Variants in CPAMD8 observed in about 807,000 individuals in gnomAD.
CPAMD8 encodes the protein C3 and PZP like alpha-2-macroglobulin domain containing 8.
Under a neutral mutation model 224.7 loss-of-function variants are expected in CPAMD8, and 146 were observed. The observed-to-expected ratio is 0.65, with a 90% CI of 0.57 to 0.75. The LOEUF (loss-of-function observed/expected upper bound fraction) is 0.75, where lower values mean the gene tolerates loss of function less well. Among genes scored for constraint, CPAMD8 ranks in the 30% least tolerant of loss-of-function variants. CPAMD8 has a pLI of 0.00. For synonymous variants in CPAMD8, 966 were observed against 1,044.6 expected, an observed-to-expected ratio of 0.92 and a Z score of 1.45; for missense variants, 2,301 against 2,537.5, an observed-to-expected ratio of 0.91 and a Z score of 2.00.
chr19:17,006,780 C>A (rs1289907579), intron 7 of CPAMD8, among the ~76,000 whole-genome samples: 2 of 152,166 alleles, frequency 1.3e-5, no homozygotes, highest in African/African-American at 4.8e-5. Context: ...TTCAGGCAGC[C>A]TTCCAGGATT....
chr19:16,935,272 A>G (rs771475451), intron 23 of CPAMD8, among the ~76,000 whole-genome samples: 18 of 152,100 alleles, frequency 1.2e-4, no homozygotes, highest in South Asian at 2.1e-4. Context: ...CTCCAATTCT[A>G]TTTGTACTTT....
At chr19:16,982,198 C>T (rs149641428) in intron 13 of CPAMD8, among the ~76,000 whole-genome samples, 2 of 152,040 alleles carry the variant, frequency 1.3e-5, no homozygotes, top group African/African-American at 4.8e-5. Flanking sequence ...GTTCAAGACC[C>T]GCCACAGCAA....
Position 17,011,663 on chromosome 19 carries a change from A to T in CPAMD8, c.362T>A (p.Val121Glu), listed in dbSNP as rs1361589839. 1 of 1,613,950 alleles carries T rather than the reference A, an allele frequency of 6.2e-7. No individual in the cohort carries two copies. Among genetic ancestry groups the T allele is most frequent in the Non-Finnish European group, 8.5e-7 (1 of 1,180,012 alleles). ...AGAAGCGCCCCGGCCGTCCACGGTC[A>T]CCGAGGTCTGGTTGTGAAAGAGGGG... is the stretch of plus-strand genomic sequence containing the variant. ...EGPLFHNQTS[V>E]TVDGRGASVF... The change falls in exon 4 of 42, where the codon GTG (valine) becomes GAG (glutamate). Residue 121 changes from valine to glutamate, a missense_variant. This residue lies in a region of CPAMD8 where 283 missense variants were observed against 340.6 expected (regional missense o/e 0.83). Coordinates refer to ENST00000443236, the MANE Select transcript of CPAMD8 (RefSeq NM_015692.5).
intron 41 of CPAMD8, chr19:16,895,805 T>G: frequency 2.3e-6 from 1 of 442,128 alleles, no homozygotes; most frequent in Non-Finnish European, 4.6e-6. Flanking sequence ...AATGCAAGCA[T>G]TCTGAAATGT....
chr19:16,997,723 G>A (rs2056179266), intron 10 of CPAMD8, among the ~76,000 whole-genome samples: 2 of 152,182 alleles, frequency 1.3e-5, no homozygotes, highest in South Asian at 4.1e-4. Flanking sequence ...GTGGTGACAG[G>A]CACCTGTAAT....
intron 23 of CPAMD8, among the ~76,000 whole-genome samples, chr19:16,931,338 G>A (rs965558726): frequency 3.9e-5 from 6 of 152,256 alleles, no homozygotes; most frequent in Middle Eastern, 3.4e-3. Flanking sequence ...GCACCTGAGC[G>A]CTCCTCCTAG....
Position 16,980,547 on chromosome 19 carries a change from G to A in CPAMD8, c.1535C>T (p.Ala512Val), listed in dbSNP as rs376522096. The A allele has an allele frequency of 8.7e-6, 14 of 1,613,860 alleles. No individual in the cohort carries two copies. Among genetic ancestry groups the A allele is most frequent in the African/African-American group, 5.3e-5 (4 of 74,914 alleles). ...AATCGGTTTCTCCAGGGCAGGGGCC[G>A]CCCGCTTGCTTCGCTGCTGGGTGGT... ...AHTTQQRSKR[A>V]APALEKPIRL... is the part of the protein sequence containing the mutation. The change falls in exon 14 of 42, where the codon GCG (alanine) becomes GTG (valine). Residue 512 changes from alanine (A) to valine (V), a missense_variant. This residue lies in a region of CPAMD8 where 301 missense variants were observed against 406.6 expected (regional missense o/e 0.74). Coordinates refer to ENST00000443236, the MANE Select transcript of CPAMD8 (RefSeq NM_015692.5).
chr19:16,965,117 G>A (rs934298407), intron 18 of CPAMD8, among the ~76,000 whole-genome samples: 26 of 152,032 alleles, frequency 1.7e-4, no homozygotes, highest in Middle Eastern at 6.8e-3. Flanking sequence ...AAAATTAGCC[G>A]GGCATAGTGG....
intron 41 of CPAMD8, 155 bp from the exon 42 acceptor site, chr19:16,893,494 G>A (rs934498507): frequency 4.1e-5 from 24 of 585,526 alleles, no homozygotes; most frequent in South Asian, 3.5e-4. Context: ...CACAGGCAGC[G>A]AGGGGCCTCC....
intron 41 of CPAMD8, chr19:16,894,216 A>G: frequency 2.9e-6 from 1 of 348,284 alleles, no homozygotes; most frequent in Non-Finnish European, 5.9e-6. Context: ...CCTGCACCAC[A>G]CCGGTGACTG....
intron 9 of CPAMD8, among the ~76,000 whole-genome samples, chr19:17,001,681 G>T (rs1052385256): frequency 6.6e-6 from 1 of 152,012 alleles, no homozygotes; most frequent in Non-Finnish European, 1.5e-5. Context: ...GAGACACCGA[G>T]TACTAGGGAG....
chr19:16,971,351 T>C (rs567263257), intron 17 of CPAMD8, among the ~76,000 whole-genome samples: 1 of 152,104 alleles, frequency 6.6e-6, no homozygotes, highest in East Asian at 1.9e-4. Context: ...CAGGTGCCCG[T>C]CACCATGGGG....
At chr19:17,002,185 G>C (rs974379310) in intron 9 of CPAMD8, 81 bp downstream of exon 9, 2 of 934,598 alleles carry the variant, frequency 2.1e-6, no homozygotes, top group Admixed American at 2.1e-5. Context: ...CAGAGGAGGG[G>C]AACGACCTTG....
intron 11 of CPAMD8, among the ~76,000 whole-genome samples, chr19:16,993,919 G>A (rs2056042051): frequency 6.6e-6 from 1 of 152,056 alleles, no homozygotes; most frequent in Non-Finnish European, 1.5e-5. Context: ...ACCAGCCTGG[G>A]TAACATAGTG....
At chr19:17,016,942 C>T (rs2056829043) in intron 3 of CPAMD8, among the ~76,000 whole-genome samples, 1 of 150,986 alleles carries the variant, frequency 6.6e-6, no homozygotes, top group African/African-American at 2.4e-5. Context: ...AGCCCTAGGG[C>T]AGGGACCCTC....
At chr19:16,938,982 T>C (rs1022683562) in intron 22 of CPAMD8, among the ~76,000 whole-genome samples, 3 of 152,094 alleles carry the variant, frequency 2.0e-5, no homozygotes, top group African/African-American at 7.2e-5. Context: ...GGCAGCTGTC[T>C]CAGTCTCTTA....
At chr19:16,949,160 A>G (rs931133189) in intron 20 of CPAMD8, among the ~76,000 whole-genome samples, 15 of 152,070 alleles carry the variant, frequency 9.9e-5, no homozygotes, top group Non-Finnish European at 1.8e-4. Flanking sequence ...AGCGCTCCCC[A>G]CTGGAGGGTC....
chr19:17,002,994 C>A (rs1260164324), intron 8 of CPAMD8, among the ~76,000 whole-genome samples: 3 of 151,556 alleles, frequency 2.0e-5, no homozygotes, highest in South Asian at 4.1e-4. Flanking sequence ...ACCTCCTCCT[C>A]CTGGTTCAAG....
chr19:17,000,591 G>T, intron 9 of CPAMD8, 69 bp from the exon 10 acceptor site: 1 of 748,216 alleles, frequency 1.3e-6, no homozygotes, highest in Non-Finnish European at 2.4e-6. Flanking sequence ...GCCTCAGGAA[G>T]GCCAGGTTGA....
Sources: gnomAD v4.1 joint callset for allele counts (sites outside exome capture counted in the v4.1 genomes callset) on GRCh38, gnomAD v4.1.1 for gene constraint, gnomAD v4.1.1 regional missense constraint, MANE v1.5 for transcripts, NCBI Gene and HGNC (gene_info 2026-07-23, HGNC 2026-07-21) for gene names.